The following SLC49A4 variants were observed in gnomAD, a reference collection of about 807,000 sequenced individuals.
SLC49A4 encodes solute carrier family 49 member 4.
In SLC49A4, 36 loss-of-function variants were observed where a neutral mutation model predicts 50.6. The ratio of observed to expected loss-of-function variants is 0.71; its 90% CI spans 0.55 to 0.94. The LOEUF (loss-of-function observed/expected upper bound fraction) is 0.94, where lower values mean the gene tolerates loss of function less well. Among genes scored for constraint, SLC49A4 ranks in the 40% least tolerant of loss-of-function variants. The pLI is 0.00. For missense variants in SLC49A4, 503 were observed against 605.7 expected (o/e 0.83, Z 1.78); for synonymous variants, 248 against 241.2 (o/e 1.03, Z -0.26).
intron 4 of SLC49A4, among the ~76,000 whole-genome samples, chr3:122,840,273 T>C (rs1489907414): frequency 6.6e-6 from 1 of 152,148 alleles, no homozygotes; most frequent in Non-Finnish European, 1.5e-5. Flanking sequence ...AAACTCCATA[T>C]TGGGTACACT....
At chr3:122,862,963 A>G (rs1937074996) in intron 7 of SLC49A4, among the ~76,000 whole-genome samples, 1 of 152,228 alleles carries the variant, frequency 6.6e-6, no homozygotes, top group Admixed American at 6.5e-5. Context: ...ACCCTAGTCA[A>G]GACCATATTT....
At chr3:122,826,711 A>G in intron 2 of SLC49A4, 89 bp from the exon 3 acceptor site, 1 of 1,302,212 alleles carries the variant, frequency 7.7e-7, no homozygotes, top group Non-Finnish European at 1.1e-6. Context: ...TTATTGCCAT[A>G]GTTAAAAACT....
rs745669516 is a variant in SLC49A4, at chr3:122,879,390, TGAA to T, written c.*14_*16del. ...TTGTCTCCGTTTAATAGCACAGACT[TGAA>T]GGAGTTTAAAAGGAGGCTGGAAATC... On this transcript the variant is annotated 3_prime_UTR_variant, in exon 9 of 9. Transcript: ENST00000261038. 1.3e-6 allele frequency: 2 copies of T among 1,597,520 alleles called. No homozygotes were observed. Among genetic ancestry groups the T allele is most frequent in the Non-Finnish European group, 8.6e-7 (1 of 1,165,872 alleles).
intron 7 of SLC49A4, among the ~76,000 whole-genome samples, chr3:122,869,226 C>CT (rs1452915503): frequency 6.6e-6 from 1 of 151,820 alleles, no homozygotes; most frequent in Non-Finnish European, 1.5e-5. Context: ...TCCTGTGACC[C>CT]CCCCCAGTTT....
intron 7 of SLC49A4, 84 bp from the exon 8 acceptor site, chr3:122,872,329 CTT>C: frequency 8.5e-7 from 1 of 1,176,250 alleles, no homozygotes; most frequent in Non-Finnish European, 1.2e-6. Flanking sequence ...TGAGTCAATA[CTT>C]AGGAAAGAGA....
chr3:122,795,382 G>A lies in SLC49A4; in HGVS notation c.190G>A (p.Val64Ile). 1 of 1,603,326 alleles carries A rather than the reference G, an allele frequency of 6.2e-7. No homozygotes were observed. The change falls in exon 1 of 9, where the codon GTT (valine) becomes ATT (isoleucine). Residue 64 changes from valine to isoleucine, a missense_variant. By Grantham distance (29) the Val-to-Ile change is conservative. Coordinates refer to ENST00000261038, the MANE Select transcript of SLC49A4 (RefSeq NM_032839.3). ...GCTGCTCTTCTCGCTGCTGGCGTTC[G>A]TTCAGGGCCTGGTCTGGAACACCTG... ...VLLLFSLLAF[V>I]QGLVWNTWGP... is the part of the protein sequence containing the mutation.
chr3:122,795,234 G>T lies in SLC49A4; in HGVS notation c.42G>T (p.Leu14=). The T allele has an allele frequency of 7.5e-7, 1 of 1,341,224 alleles. No homozygotes were observed. Among genetic ancestry groups the T allele is most frequent in the Non-Finnish European group, 9.5e-7 (1 of 1,055,380 alleles). The allele number at this position is 1,341,224 out of a possible 1,614,324, so 83.1% of individuals were successfully genotyped here. The stretch of plus-strand genomic sequence containing the variant: ...GCAGCGAAGAGGAGAGGCAGCCGCT[G>T]CTGGGGCCCGGGCTCGGGCCTGGGC... ...RWSSEEERQP[L]LGPGLGPGLG... The change falls in exon 1 of 9, where the codon CTG becomes CTT. Residue 14 remains leucine, a synonymous_variant. Transcript: ENST00000261038.
intron 2 of SLC49A4, among the ~76,000 whole-genome samples, chr3:122,822,573 G>A (rs888975550): frequency 6.6e-6 from 1 of 152,086 alleles, no homozygotes; most frequent in African/African-American, 2.4e-5. Context: ...GAATCTGGTG[G>A]TTACATTTCA....
chr3:122,877,982 CATAGTA>C (rs1211669130), intron 8 of SLC49A4, among the ~76,000 whole-genome samples: 1 of 152,092 alleles, frequency 6.6e-6, no homozygotes, highest in Admixed American at 6.6e-5. Flanking sequence ...ACTTTTAAAA[CATAGTA>C]ATAGAGAGGT....
chr3:122,813,359 A>G (rs755965074), intron 2 of SLC49A4, among the ~76,000 whole-genome samples: 3 of 152,030 alleles, frequency 2.0e-5, no homozygotes, highest in Admixed American at 6.5e-5. Flanking sequence ...AAGGGCCCAC[A>G]ATGTCATTTA....
At chr3:122,802,901 A>C (rs1179186924) in intron 1 of SLC49A4, among the ~76,000 whole-genome samples, 3 of 152,206 alleles carry the variant, frequency 2.0e-5, no homozygotes, top group Non-Finnish European at 2.9e-5. Context: ...CAAACAAAAA[A>C]CATGAGTATC....
chr3:122,851,607 G>A (rs1936926710), intron 5 of SLC49A4, among the ~76,000 whole-genome samples: 1 of 151,954 alleles, frequency 6.6e-6, no homozygotes. Context: ...ATAACTAGGT[G>A]GCATTTTTTT....
chr3:122,852,588 A>G (rs7650313), intron 5 of SLC49A4, among the ~76,000 whole-genome samples: 129,256 of 152,148 alleles, frequency 0.85, 54,944 homozygotes, highest in East Asian at 0.96. Flanking sequence ...CAGAAGTCTG[A>G]GAATCACCTT....
At chr3:122,854,730 A>G (rs1033443784) in intron 5 of SLC49A4, among the ~76,000 whole-genome samples, 1 of 152,238 alleles carries the variant, frequency 6.6e-6, no homozygotes, top group East Asian at 1.9e-4. Context: ...CATCTAGCTA[A>G]GTACCCAGGT....
intron 2 of SLC49A4, among the ~76,000 whole-genome samples, chr3:122,823,716 T>C (rs921181107): frequency 1.3e-5 from 2 of 152,198 alleles, no homozygotes; most frequent in Non-Finnish European, 2.9e-5. Context: ...GGGTCAATAT[T>C]TTTCCAGAAA....
chr3:122,818,005 A>G (rs908534744), intron 2 of SLC49A4, among the ~76,000 whole-genome samples: 6 of 152,094 alleles, frequency 3.9e-5, no homozygotes, highest in Non-Finnish European at 8.8e-5. Flanking sequence ...GTTTGCGAGT[A>G]TATTTCCTAA....
intron 4 of SLC49A4, among the ~76,000 whole-genome samples, chr3:122,837,314 C>T (rs1936701574): frequency 6.6e-6 from 1 of 151,688 alleles, no homozygotes; most frequent in Non-Finnish European, 1.5e-5. Flanking sequence ...TCAAACTATA[C>T]TACAAGGCTA....
intron 5 of SLC49A4, among the ~76,000 whole-genome samples, chr3:122,850,041 G>A (rs998552107): frequency 1.3e-4 from 19 of 151,818 alleles, no homozygotes; most frequent in African/African-American, 4.6e-4. Context: ...ATATAAACAT[G>A]CTCTTTGATG....
intron 1 of SLC49A4, among the ~76,000 whole-genome samples, chr3:122,800,693 A>G (rs897216360): frequency 5.9e-5 from 9 of 152,212 alleles, no homozygotes; most frequent in African/African-American, 2.2e-4. Context: ...AAGCATTGAC[A>G]GTTGATTCTT....
Sources: allele counts gnomAD v4.1 joint callset (sites outside exome capture counted in the v4.1 genomes callset), GRCh38; gene constraint gnomAD v4.1.1; transcripts MANE v1.5; gene names NCBI Gene and HGNC (gene_info 2026-07-23, HGNC 2026-07-21).